The following SNAP91 variants were observed in gnomAD, a reference collection of about 807,000 sequenced individuals.
SNAP91 encodes the protein synaptosome associated protein 91, also known as clathrin coat assembly protein AP180.
A neutral mutation model predicts 100.3 loss-of-function variants in SNAP91; 27 were observed. The observed-to-expected ratio is 0.27, with a 90% CI of 0.20 to 0.37. SNAP91 has a LOEUF of 0.37. SNAP91 is among the 10% of genes least tolerant of loss of function. The pLI is 1.00. For synonymous variants in SNAP91, 404 were observed against 398.6 expected (o/e 1.01, Z -0.16); for missense variants, 986 against 1,123.7 (o/e 0.88, Z 1.75).
intron 11 of SNAP91, among the ~76,000 whole-genome samples, chr6:83,614,444 G>T (rs1474871300): frequency 4.6e-5 from 7 of 152,078 alleles, no homozygotes; most frequent in African/African-American, 1.7e-4. Context: ...TGGTTTGGAG[G>T]TTAGAATAGT....
chr6:83,576,774 T>G (rs1819482183), intron 24 of SNAP91, among the ~76,000 whole-genome samples: 1 of 152,222 alleles, frequency 6.6e-6, no homozygotes, highest in African/African-American at 2.4e-5. Context: ...CTGAGTCCCA[T>G]GTGTCCTTCT....
chr6:83,659,329 A>G (rs1261784692), intron 5 of SNAP91, among the ~76,000 whole-genome samples: 1 of 152,146 alleles, frequency 6.6e-6, no homozygotes, highest in Non-Finnish European at 1.5e-5. Context: ...TTAGGAAGAA[A>G]GCAATCGGGT....
chr6:83,691,583 A>T (rs1453289177), intron 2 of SNAP91, among the ~76,000 whole-genome samples: 1 of 152,126 alleles, frequency 6.6e-6, no homozygotes, highest in Admixed American at 6.5e-5. Context: ...GCTCAATGCA[A>T]ATATATTTAG....
At chr6:83,699,057 T>C (rs1430989621) in intron 2 of SNAP91, among the ~76,000 whole-genome samples, 1 of 152,182 alleles carries the variant, frequency 6.6e-6, no homozygotes, top group Admixed American at 6.5e-5. Context: ...ATAATTCAAC[T>C]TCAGGTGCTC....
At chr6:83,702,167 A>C (rs217284) in intron 2 of SNAP91, among the ~76,000 whole-genome samples, 12 of 152,220 alleles carry the variant, frequency 7.9e-5, no homozygotes, top group Non-Finnish European at 1.8e-4. Context: ...ATGGCAAGGA[A>C]TTTGATTTTT....
intron 8 of SNAP91, among the ~76,000 whole-genome samples, chr6:83,630,633 G>T (rs1298810067): frequency 1.3e-5 from 2 of 151,972 alleles, no homozygotes; most frequent in African/African-American, 4.8e-5. Context: ...GTGTGTAAAG[G>T]TGTTCATAGT....
At chr6:83,623,735 G>T (rs1247982586) in intron 8 of SNAP91, among the ~76,000 whole-genome samples, 2 of 151,904 alleles carry the variant, frequency 1.3e-5, no homozygotes, top group African/African-American at 2.4e-5. Context: ...CTCATTCAGG[G>T]TATAATTTCC....
intron 4 of SNAP91, 39 bp downstream of exon 4, chr6:83,662,308 A>T: frequency 1.0e-6 from 1 of 969,620 alleles, no homozygotes; most frequent in Non-Finnish European, 1.5e-6. Context: ...TCAAAAATCA[A>T]AGCATTGGCA....
intron 2 of SNAP91, 23 bp downstream of exon 2, chr6:83,707,775 C>T (rs780237510): frequency 1.2e-6 from 2 of 1,611,964 alleles, no homozygotes; most frequent in Admixed American, 3.4e-5. Context: ...GCGCATGTCC[C>T]TCTTATATAA....
At chr6:83,622,027 A>G (rs1584325651) in intron 9 of SNAP91, among the ~76,000 whole-genome samples, 1 of 152,114 alleles carries the variant, frequency 6.6e-6, no homozygotes, top group Non-Finnish European at 1.5e-5. Context: ...AGATAAATCT[A>G]TATCTAATAA....
At chr6:83,628,416 T>C (rs1447122507) in intron 8 of SNAP91, among the ~76,000 whole-genome samples, 3 of 151,828 alleles carry the variant, frequency 2.0e-5, no homozygotes, top group Admixed American at 2.0e-4. Context: ...TACTTTTAGT[T>C]CTTTAAGGAA....
intron 2 of SNAP91, among the ~76,000 whole-genome samples, chr6:83,682,472 G>T (rs2099003150): frequency 6.6e-6 from 1 of 151,970 alleles, no homozygotes; most frequent in African/African-American, 2.4e-5. Flanking sequence ...CTCCCAAAGT[G>T]CTGGGATTAT....
intron 8 of SNAP91, among the ~76,000 whole-genome samples, chr6:83,625,156 C>T (rs901081868): frequency 1.3e-5 from 2 of 152,082 alleles, no homozygotes; most frequent in African/African-American, 4.8e-5. Flanking sequence ...TTTTCTGTTT[C>T]TGCATTAGTT....
At chr6:83,559,113 G>A (rs943488530) in intron 28 of SNAP91, among the ~76,000 whole-genome samples, 2 of 152,104 alleles carry the variant, frequency 1.3e-5, no homozygotes, top group South Asian at 4.2e-4. Context: ...GTTATTCAAG[G>A]TGGGCTCTGG....
intron 2 of SNAP91, among the ~76,000 whole-genome samples, chr6:83,671,793 C>T (rs1438068337): frequency 6.6e-6 from 1 of 152,034 alleles, no homozygotes; most frequent in Non-Finnish European, 1.5e-5. Flanking sequence ...TTTGTGGTCA[C>T]CTACTTCTTT....
intron 7 of SNAP91, among the ~76,000 whole-genome samples, chr6:83,645,524 T>G (rs73486931): frequency 6.6e-6 from 1 of 152,140 alleles, no homozygotes. Context: ...GAATCCACCA[T>G]TTTAGTATCA....
At chr6:83,593,130 A>G in intron 19 of SNAP91, 52 bp downstream of exon 19, 1 of 1,537,112 alleles carries the variant, frequency 6.5e-7, no homozygotes, top group Non-Finnish European at 8.8e-7. Context: ...GAGCTTAATC[A>G]GGAAAACATC....
intron 16 of SNAP91, among the ~76,000 whole-genome samples, chr6:83,597,449 C>G (rs138750799): frequency 6.6e-6 from 1 of 152,272 alleles, no homozygotes; most frequent in Non-Finnish European, 1.5e-5. Context: ...TCCAGTTCAG[C>G]TCTCCTTTTC....
chr6:83,693,351 C>G (rs577600095), intron 2 of SNAP91, among the ~76,000 whole-genome samples: 1 of 152,174 alleles, frequency 6.6e-6, no homozygotes, highest in East Asian at 1.9e-4. Context: ...CTCCACACAT[C>G]GGCCTCTCCT....
Sources: gnomAD v4.1 joint callset for allele counts (sites outside exome capture counted in the v4.1 genomes callset) on GRCh38, gnomAD v4.1.1 for gene constraint, MANE v1.5 for transcripts, NCBI Gene and HGNC (gene_info 2026-07-23, HGNC 2026-07-21) for gene names.